The following ESRRG variants were observed in gnomAD, a reference collection of about 807,000 sequenced individuals.
The protein encoded by ESRRG is estrogen related receptor gamma.
Under a neutral mutation model 44.0 loss-of-function variants are expected in ESRRG, and 13 were observed. The ratio of observed to expected loss-of-function variants is 0.30; its 90% confidence interval spans 0.19 to 0.47. ESRRG has a LOEUF of 0.47. ESRRG is among the 20% of genes least tolerant of loss of function. ESRRG has a pLI of 1.00. For synonymous variants in ESRRG, 215 were observed against 214.6 expected, an observed-to-expected ratio of 1.00 and a Z score of -0.02; for missense variants, 395 against 580.6, an observed-to-expected ratio of 0.68 and a Z score of 3.29.
intron 2 of ESRRG, among the ~76,000 whole-genome samples, chr1:216,761,926 T>A (rs547602757): frequency 6.6e-6 from 1 of 152,134 alleles, no homozygotes; most frequent in African/African-American, 2.4e-5. Context: ...TCTCCAGTTG[T>A]CTGACTCTCA....
At chr1:216,956,979 A>G (rs2068068701) in intron 1 of ESRRG, among the ~76,000 whole-genome samples, 1 of 152,242 alleles carries the variant, frequency 6.6e-6, no homozygotes, top group African/African-American at 2.4e-5. Context: ...TCTTAAAGTT[A>G]TTAAAGGCAG....
rs143954785 is a variant in ESRRG at position 216,911,277 on chromosome 1, G to A, written c.-14+28305C>T. On this transcript the variant is annotated intron_variant, in intron 2 of 7. Coordinates refer to the ESRRG transcript ENST00000359162. ...TAAACTATGGTACATCGAGACGCTG[G>A]ACTGTTATTCAGTGCTAAAAAGACG... Among the ~76,000 whole-genome samples the A allele has an allele frequency of 4.6e-3, 695 of 152,184 alleles. 3 individuals carry two copies. Among genetic ancestry groups the A allele is most frequent in the African/African-American group, 0.016 (648 of 41,516 alleles).
rs138737296 is a variant in ESRRG, at chr1:216,784,972, C to T, written c.-13-107481G>A. Among the ~76,000 whole-genome samples, 636 of 152,028 alleles carry T rather than the reference C, an allele frequency of 4.2e-3. 1 individual carries two copies. Among genetic ancestry groups the T allele is most frequent in the Middle Eastern group, 0.024 (7 of 294 alleles). On this transcript the variant is annotated intron_variant, in intron 2 of 7. Coordinates refer to the ESRRG transcript ENST00000359162. ...TGGATTCCTGTGAACAAGGAGATAA[C>T]ACTTGCAAAATGTTCCCTCCGAGAC...
chr1:216,956,026 T>A (rs528283715), intron 1 of ESRRG, among the ~76,000 whole-genome samples: 1 of 152,316 alleles, frequency 6.6e-6, no homozygotes, highest in South Asian at 2.1e-4. Flanking sequence ...CATAAATTGT[T>A]TCCTTTGCTG....
At chr1:216,632,760 G>GA (rs2064482085) in intron 3 of ESRRG, among the ~76,000 whole-genome samples, 1 of 150,640 alleles carries the variant, frequency 6.6e-6, no homozygotes, top group African/African-American at 2.4e-5. Context: ...AGGCATCAAA[G>GA]AAAAAAAAGT....
intron 2 of ESRRG, among the ~76,000 whole-genome samples, chr1:216,901,428 C>T (rs1319773711): frequency 1.3e-5 from 2 of 152,002 alleles, no homozygotes; most frequent in African/African-American, 4.8e-5. Flanking sequence ...AGTGCAGTGG[C>T]GTGATCACAC....
At chr1:216,727,894 G>A (rs773993600), upstream of ESRRG, among the ~76,000 whole-genome samples, 6 of 150,898 alleles carry the variant, frequency 4.0e-5, no homozygotes, top group Admixed American at 1.3e-4. Flanking sequence ...TGTGAAAGTT[G>A]GAGGGGGAAA....
chr1:216,563,555 C>A (rs557370585), intron 5 of ESRRG, among the ~76,000 whole-genome samples: 1 of 151,952 alleles, frequency 6.6e-6, no homozygotes, highest in Non-Finnish European at 1.5e-5. Context: ...CAACTCCAAA[C>A]AAATAAAAAA....
At chr1:216,806,969 G>A (rs1255181796) in intron 2 of ESRRG, among the ~76,000 whole-genome samples, 2 of 152,188 alleles carry the variant, frequency 1.3e-5, no homozygotes, top group African/African-American at 2.4e-5. Context: ...CCAGGGCTCT[G>A]TAACTCATCT....
At chr1:216,561,148 T>C (rs1275678286) in intron 5 of ESRRG, among the ~76,000 whole-genome samples, 1 of 152,206 alleles carries the variant, frequency 6.6e-6, no homozygotes, top group Non-Finnish European at 1.5e-5. Flanking sequence ...AAAAAAAACC[T>C]ATTCCATATG....
intron 1 of ESRRG, among the ~76,000 whole-genome samples, chr1:217,058,647 A>T (rs2087674825): frequency 6.6e-6 from 1 of 152,150 alleles, no homozygotes; most frequent in Non-Finnish European, 1.5e-5. Context: ...TAACCACATT[A>T]GTACTAGTAT....
At chr1:217,054,283 A>C (rs2086662020) in intron 1 of ESRRG, among the ~76,000 whole-genome samples, 1 of 152,174 alleles carries the variant, frequency 6.6e-6, no homozygotes, top group African/African-American at 2.4e-5. Flanking sequence ...TTTCTTCTAA[A>C]GGTCATACTG....
chr1:216,998,277 T>C (rs1338685288), intron 1 of ESRRG, among the ~76,000 whole-genome samples: 1 of 152,236 alleles, frequency 6.6e-6, no homozygotes, highest in African/African-American at 2.4e-5. Flanking sequence ...TAACATTGTC[T>C]ATGATTCTCT....
In ESRRG at chr1:216,565,311, T is replaced by G. The variant is rs530177921; in HGVS notation, c.701-931A>C. 8.5e-5 allele frequency among the ~76,000 whole-genome samples: 13 copies of G among 152,318 alleles called. No individual in the cohort carries two copies. The East Asian group carries it at 2.3e-3, about 27-fold the overall frequency. On this transcript the variant is annotated intron_variant, in intron 4 of 6. Coordinates refer to ENST00000408911, the MANE Select transcript of ESRRG (RefSeq NM_001438.4). The stretch of plus-strand genomic sequence containing the variant: ...GTTGGCCCTATTTTCAATTTCTATA[T>G]GTAGCTTAAGATTTTATGCTTTCTT...
rs1271115645 is a variant in ESRRG, at chr1:216,516,638, C to CAT, written c.1132+2513_1132+2514insAT. Among the ~76,000 whole-genome samples, 171 of 105,182 alleles carry CAT rather than the reference C, an allele frequency of 1.6e-3. 1 individual carries two copies. Among genetic ancestry groups the CAT allele is most frequent in the African/African-American group, 6.2e-3 (163 of 26,208 alleles). 69.0% of individuals were successfully genotyped at this position (105,182 alleles called of 152,430 possible). On this transcript the variant is annotated intron_variant, in intron 6 of 6. Transcript: ENST00000408911. ...TGGAATTCCTAAACACACACACATA[C>CAT]ACACACACACACACACACACACACA...
At chr1:216,940,067 T>A (rs2064966009) in intron 1 of ESRRG, among the ~76,000 whole-genome samples, 1 of 152,210 alleles carries the variant, frequency 6.6e-6, no homozygotes, top group African/African-American at 2.4e-5. Context: ...ACCAAGGGAC[T>A]TTTTACTTAC....
At chr1:217,031,264 G>C (rs7522101) in intron 1 of ESRRG, among the ~76,000 whole-genome samples, 28,249 of 152,130 alleles carry the variant, frequency 0.19, 2,877 homozygotes, top group East Asian at 0.45. Flanking sequence ...TCCAGAGTTC[G>C]GGTACTACAG....
chr1:216,991,515 C>T (rs925689076), intron 1 of ESRRG, among the ~76,000 whole-genome samples: 4 of 152,006 alleles, frequency 2.6e-5, no homozygotes, highest in Admixed American at 6.6e-5. Flanking sequence ...GAGGTTTACA[C>T]ATCTGATGGG....
chr1:216,973,187 C>T (rs12095404), intron 1 of ESRRG, among the ~76,000 whole-genome samples: 1,855 of 152,204 alleles, frequency 0.012, 31 homozygotes, highest in African/African-American at 0.042. Flanking sequence ...CATGTCACTC[C>T]TCACCTCAAA....
Sources: gnomAD v4.1 joint callset for allele counts (sites outside exome capture counted in the v4.1 genomes callset) on GRCh38, gnomAD v4.1.1 for gene constraint, MANE v1.5 for transcripts, NCBI Gene and HGNC (gene_info 2026-07-23, HGNC 2026-07-21) for gene names.